CMYA5: variants seen among roughly 807,000 people sequenced by gnomAD.
CMYA5 encodes the protein cardiomyopathy associated 5, also known as cardiomyopathy-associated protein 5.
CMYA5 carries 246 observed loss-of-function variants against 318.9 expected under a neutral mutation model. The ratio of observed to expected loss-of-function variants is 0.77; its 90% confidence interval spans 0.70 to 0.86. CMYA5 has a LOEUF of 0.86. Among genes scored for constraint, CMYA5 ranks in the 40% least tolerant of loss-of-function variants. The pLI is 0.00. For missense variants in CMYA5, 4,589 were observed against 4,678.2 expected (o/e 0.98, Z 0.56); for synonymous variants, 1,641 against 1,729.5 (o/e 0.95, Z 1.27).
intron 10 of CMYA5, 113 bp from the exon 11 acceptor site, chr5:79,790,857 G>T (rs1217738423): frequency 2.9e-6 from 2 of 678,820 alleles, no homozygotes; most frequent in African/African-American, 3.6e-5. Flanking sequence ...GACACTTCGT[G>T]GGGGATTTTG....
In CMYA5 at chr5:79,763,022, C is replaced by G. The variant is rs375452410; in HGVS notation, c.11408-40C>G. The G allele has an allele frequency of 1.1e-5, 18 of 1,575,744 alleles. No individual in the cohort carries two copies. In the African/African-American group the frequency reaches 2.0e-4, roughly 18 times the overall value. On this transcript the variant is annotated intron_variant, in intron 8 of 12. Coordinates refer to ENST00000446378, the MANE Select transcript of CMYA5 (RefSeq NM_153610.5). Reference sequence around the variant, plus strand: ...GCTTCTCAGGTCCCAGGAAAGCAAGCTGGCATTGCTCCACGACTGTCCTGA... The same window carrying G: ...GCTTCTCAGGTCCCAGGAAAGCAAGGTGGCATTGCTCCACGACTGTCCTGA...
chr5:79,691,301 G>A (rs771504928), intron 1 of CMYA5, among the ~76,000 whole-genome samples: 1 of 152,192 alleles, frequency 6.6e-6, no homozygotes, highest in Non-Finnish European at 1.5e-5. Flanking sequence ...AGAAGGGGAA[G>A]TCTGTCAACT....
chr5:79,704,630 G>C (rs1332639207), intron 1 of CMYA5, among the ~76,000 whole-genome samples: 3 of 152,014 alleles, frequency 2.0e-5, no homozygotes, highest in African/African-American at 7.2e-5. Context: ...TAATCTCTTT[G>C]GGAAATAATT....
chr5:79,788,102 G>A (rs1409215449), intron 9 of CMYA5, among the ~76,000 whole-genome samples: 1 of 152,042 alleles, frequency 6.6e-6, no homozygotes, highest in Non-Finnish European at 1.5e-5. Context: ...ATATCTCCTT[G>A]CAGGACTCTG....
rs1219165051 is a variant in CMYA5 at position 79,735,428 on chromosome 5, T to C, written c.6663T>C (p.Gly2221=). The change falls in exon 2 of 13, where the codon GGT becomes GGC. Residue 2221 remains glycine, a synonymous_variant. Transcript: ENST00000446378. The part of the protein sequence containing the change: ...EKAVTVIDPE[G]TIPTNFNVAE... ...CAGTGACTGTGATAGATCCTGAAGG[T>C]ACAATTCCCACCAATTTTAATGTAG... 1.2e-6 allele frequency: 2 copies of C among 1,613,746 alleles called. No individual in the cohort carries two copies. Among genetic ancestry groups the C allele is most frequent in the East Asian group, 4.5e-5 (2 of 44,894 alleles).
intron 1 of CMYA5, among the ~76,000 whole-genome samples, chr5:79,695,234 A>T (rs1213198912): frequency 6.6e-6 from 1 of 152,240 alleles, no homozygotes; most frequent in Non-Finnish European, 1.5e-5. Context: ...TGTACATGAA[A>T]ATAACCTTTG....
At chr5:79,761,712 T>C (rs998852235) in intron 7 of CMYA5, 99 bp from the exon 8 acceptor site, 5 of 1,331,866 alleles carry the variant, frequency 3.8e-6, no homozygotes, top group African/African-American at 1.5e-5. Context: ...TCAGTTTGCA[T>C]TTTCCACTGA....
At chr5:79,761,133 C>T (rs1828642552) in intron 7 of CMYA5, among the ~76,000 whole-genome samples, 1 of 152,086 alleles carries the variant, frequency 6.6e-6, no homozygotes, top group Non-Finnish European at 1.5e-5. Context: ...TAGGTTTGTT[C>T]AGAATGGTAT....
rs540138247 is a variant in CMYA5, at chr5:79,735,222, C to G, written c.6457C>G (p.Gln2153Glu). ...ATCCCCAGAGTCACCTGAGGTGACA[C>G]AAAATCCACCTACACAACCAAAGGT... ...PQSPESPEVT[Q>E]NPPTQPKVAK... Residue 2153 changes from glutamine (Q) to glutamate (E), a missense_variant, in exon 2 of 13, where the codon CAA becomes GAA. Gln to Glu is a conservative substitution (Grantham distance 29, BLOSUM62 2). Around this residue, in one of 3 missense-constraint regions of CMYA5, gnomAD observed 2,431 missense variants for 2,495.1 expected, o/e 0.97. Transcript: ENST00000446378. The G allele has an allele frequency of 1.6e-5, 26 of 1,613,858 alleles. No homozygotes were observed. The East Asian group carries it at 5.1e-4, about 32-fold the overall frequency.
At chr5:79,691,521 A>G (rs1257783427) in intron 1 of CMYA5, among the ~76,000 whole-genome samples, 1 of 152,242 alleles carries the variant, frequency 6.6e-6, no homozygotes, top group Non-Finnish European at 1.5e-5. Flanking sequence ...TGTTCTGACT[A>G]CAGACAGTAA....
chr5:79,746,293 C>A (rs972924869), intron 4 of CMYA5, among the ~76,000 whole-genome samples: 9 of 152,288 alleles, frequency 5.9e-5, no homozygotes, highest in African/African-American at 2.2e-4. Flanking sequence ...CAAAACGGAA[C>A]AATGTTAGCC....
intron 8 of CMYA5, chr5:79,762,598 C>A (rs1222468697): frequency 6.5e-6 from 1 of 154,752 alleles, no homozygotes; most frequent in African/African-American, 2.4e-5. Flanking sequence ...GGGTAAGAAG[C>A]CTAAACCAAG....
chr5:79,778,815 G>GTGTGTGTGTGTGTGTGTATGTGTA (rs1561228876), intron 9 of CMYA5, among the ~76,000 whole-genome samples: 1 of 106,074 alleles, frequency 9.4e-6, no homozygotes, highest in African/African-American at 5.0e-5. Flanking sequence ...CTCTTTCTGT[G>GTGTGTGTGTGTGTGTGTATGTGTA]TGTGTGTGTG....
chr5:79,731,987 G>T lies in CMYA5; in HGVS notation c.3222G>T (p.Pro1074=). The T allele has an allele frequency of 1.2e-6, 2 of 1,613,754 alleles. No homozygotes were observed. Among genetic ancestry groups the T allele is most frequent in the South Asian group, 1.1e-5 (1 of 91,050 alleles). Residue 1074 remains proline (P), a synonymous_variant, in exon 2 of 13, where the codon CCG becomes CCT. Coordinates refer to ENST00000446378, the MANE Select transcript of CMYA5 (RefSeq NM_153610.5). The part of the protein sequence containing the change: ...QKAETFPLMS[P]LEDLSLPPST... ...CTGAAACTTTCCCTTTGATGTCTCC[G>T]CTTGAAGACTTAAGTCTGCCGCCTT...
chr5:79,772,233 A>G lies in CMYA5; in HGVS notation c.11555+9024A>G, dbSNP rs928306499. ...AGATCTTGCCAATCAATTCATTTTT[A>G]TTTTTCTTGTTGCAGGCAAGCATAT... is the stretch of plus-strand genomic sequence containing the variant. On this transcript the variant is annotated intron_variant, in intron 9 of 12. Coordinates refer to ENST00000446378, the MANE Select transcript of CMYA5 (RefSeq NM_153610.5). Among the ~76,000 whole-genome samples, 9 of 152,210 alleles carry G rather than the reference A, an allele frequency of 5.9e-5. No homozygotes were observed. The Middle Eastern group carries it at 0.01, about 173-fold the overall frequency.
rs199901783 is a variant in CMYA5, at chr5:79,733,843, C to T, written c.5078C>T (p.Thr1693Met). 7.4e-6 allele frequency: 12 copies of T among 1,613,540 alleles called. No individual in the cohort carries two copies. The highest frequency in any genetic ancestry group is 2.7e-5 in the African/African-American group (2 of 75,012). ...AATAGAGAGCTTTGTGCATCTTCTA[C>T]GATGCCTGCAATTTCAGAGCTTTCA... ...EENRELCASS[T>M]MPAISELSSL... is the part of the protein sequence containing the mutation. Residue 1693 changes from threonine to methionine, a missense_variant, in exon 2 of 13, where the codon ACG becomes ATG. This residue lies in a region of CMYA5 where 2,132 missense variants were observed against 2,131.3 expected (regional missense o/e 1.00). Transcript: ENST00000446378.
chr5:79,726,040 A>G (rs1020678920), intron 1 of CMYA5, among the ~76,000 whole-genome samples: 1 of 152,258 alleles, frequency 6.6e-6, no homozygotes, highest in Non-Finnish European at 1.5e-5. Context: ...GAACTCAATG[A>G]AAGTTTATTA....
chr5:79,795,353 C>T (rs80192558), intron 12 of CMYA5, among the ~76,000 whole-genome samples: 3 of 152,106 alleles, frequency 2.0e-5, no homozygotes, highest in Non-Finnish European at 2.9e-5. Context: ...GATTTTAAAT[C>T]AACCTACATC....
At chr5:79,740,569 C>A (rs2151089132) in intron 2 of CMYA5, among the ~76,000 whole-genome samples, 1 of 152,134 alleles carries the variant, frequency 6.6e-6, no homozygotes, top group African/African-American at 2.4e-5. Flanking sequence ...TTATAAAATT[C>A]ATGTTAGAAG....
Sources: gnomAD v4.1 joint callset for allele counts (sites outside exome capture counted in the v4.1 genomes callset) on GRCh38, gnomAD v4.1.1 for gene constraint, gnomAD v4.1.1 regional missense constraint, MANE v1.5 for transcripts, NCBI Gene and HGNC (gene_info 2026-07-23, HGNC 2026-07-21) for gene names.